Variants in C20orf202 observed in about 807,000 individuals in gnomAD.
The protein encoded by C20orf202 is uncharacterized protein C20orf202.
Under a neutral mutation model 5.3 loss-of-function variants are expected in C20orf202, and 5 were observed. The ratio of observed to expected loss-of-function variants is 0.94; its 90% CI spans 0.49 to 1.98. The LOEUF (loss-of-function observed/expected upper bound fraction) is 1.98, where lower values mean the gene tolerates loss of function less well. C20orf202 is among the 30% of genes most tolerant of loss of function. C20orf202 has a pLI of 0.01. For synonymous variants in C20orf202, 48 were observed against 50.0 expected, an observed-to-expected ratio of 0.96 and a Z score of 0.16; for missense variants, 135 against 123.5, an observed-to-expected ratio of 1.09 and a Z score of -0.44.
Position 1,203,549 on chromosome 20 carries a change from C to G in C20orf202, c.-37C>G, listed in dbSNP as rs1028974052. On this transcript the variant is annotated 5_prime_UTR_variant, in exon 1 of 2. Transcript: ENST00000400633. The stretch of plus-strand genomic sequence containing the variant: ...AGTCAAAGATCCCTCGGGCCCAGAA[C>G]CAGGTCAGTGTCAAGGTCACTCCTA... 2 of 1,550,974 alleles carry G rather than the reference C, an allele frequency of 1.3e-6. No individual in the cohort carries two copies. Among genetic ancestry groups the G allele is most frequent in the Admixed American group, 3.9e-5 (2 of 50,842 alleles).
At chr20:1,206,403 A>G (rs576253042) in intron 1 of C20orf202, among the ~76,000 whole-genome samples, 1 of 152,334 alleles carries the variant, frequency 6.6e-6, no homozygotes, top group Admixed American at 6.5e-5. Context: ...TTCAAAGCAA[A>G]TATTTAGTGG....
In C20orf202 at chr20:1,208,719, C is replaced by T. The variant is rs1235698574; in HGVS notation, c.*1617C>T. 2.6e-5 allele frequency among the ~76,000 whole-genome samples: 4 copies of T among 152,164 alleles called. No homozygotes were observed. Among genetic ancestry groups the T allele is most frequent in the African/African-American group, 4.8e-5 (2 of 41,428 alleles). On this transcript the variant is annotated 3_prime_UTR_variant, in exon 2 of 2. Transcript: ENST00000400633. Reference sequence around the variant, plus strand: ...ACCAGACTTCTCCAGGATCCAGGTTCCAGACTCCTGGGGCCCCTTCCAGGA... The same window carrying T: ...ACCAGACTTCTCCAGGATCCAGGTTTCAGACTCCTGGGGCCCCTTCCAGGA...
In C20orf202 at chr20:1,208,640, T is replaced by C. The variant is rs912354825; in HGVS notation, c.*1538T>C. Among the ~76,000 whole-genome samples, 5 of 152,216 alleles carry C rather than the reference T, an allele frequency of 3.3e-5. No homozygotes were observed. Among genetic ancestry groups the C allele is most frequent in the Admixed American group, 3.3e-4 (5 of 15,284 alleles). ...TTTCCCTGTGGGCTTCCTGTTCCTA[T>C]GAGCATCTCCCAGCAATGTTTCTTC... On this transcript the variant is annotated 3_prime_UTR_variant, in exon 2 of 2. Transcript: ENST00000400633.
At chr20:1,203,732 C>T in intron 1 of C20orf202, 81 bp downstream of exon 1, 2 of 1,462,406 alleles carry the variant, frequency 1.4e-6, no homozygotes, top group East Asian at 2.5e-5. Context: ...CGGGTCCCCC[C>T]TGGGGCAGAG....
At chr20:1,204,826 G>A (rs540160393) in intron 1 of C20orf202, among the ~76,000 whole-genome samples, 16 of 152,310 alleles carry the variant, frequency 1.1e-4, no homozygotes, top group Middle Eastern at 6.8e-3. Flanking sequence ...GCTTCCCACA[G>A]TCAGCAGGCA....
At position 1,206,940 on chromosome 20, in the gene C20orf202, G is replaced by A; in HGVS notation, c.138G>A (p.Leu46=). The change falls in exon 2 of 2, where the codon CTG becomes CTA. Residue 46 remains leucine, a synonymous_variant. Transcript: ENST00000400633. ...LRHLHSVLEE[L]RADSAHWEDA... ...ATCTTCACAGTGTCCTGGAGGAGCT[G>A]CGTGCGGACAGCGCCCACTGGGAGG... is the stretch of plus-strand genomic sequence containing the variant. The A allele has an allele frequency of 6.4e-7, 1 of 1,551,650 alleles. No individual in the cohort carries two copies. The highest frequency in any genetic ancestry group is 8.7e-7 in the Non-Finnish European group (1 of 1,146,900).
At position 1,203,466 on chromosome 20, in the gene C20orf202, A is replaced by G. The variant is rs186948017; in HGVS notation, c.-120A>G. 225 of 1,488,504 alleles carry G rather than the reference A, an allele frequency of 1.5e-4. No individual in the cohort carries two copies. The highest frequency in any genetic ancestry group is 9.3e-4 in the Admixed American group (36 of 38,854). 92.2% of individuals were successfully genotyped at this position (1,488,504 alleles called of 1,614,324 possible). ...GCTACTTCCTGCTCTCATTAACTCC[A>G]TCTTCAGTGATTTGGCCAGAACCTG... On this transcript the variant is annotated 5_prime_UTR_variant, in exon 1 of 2. Coordinates refer to ENST00000400633, the MANE Select transcript of C20orf202 (RefSeq NM_001394958.1).
intron 1 of C20orf202, 31 bp downstream of exon 1, chr20:1,203,682 C>G (rs532706268): frequency 6.6e-7 from 1 of 1,523,498 alleles, no homozygotes; most frequent in African/African-American, 1.4e-5. Flanking sequence ...TCCTTGATGC[C>G]CCGACTACAT....
rs2087138690 is a variant in C20orf202 at position 1,207,712 on chromosome 20, T to C, written c.*610T>C. 1.3e-5 allele frequency: 2 copies of C among 152,204 alleles called. No individual in the cohort carries two copies. Among genetic ancestry groups the C allele is most frequent in the South Asian group, 2.1e-4 (1 of 4,830 alleles). 9.4% of individuals were successfully genotyped at this position (152,204 alleles called of 1,614,324 possible). ...AGCCAGTCACCGACCTTCCCTGAGA[T>C]TGCTACCTGGAAGCTCTTTCTATTA... On this transcript the variant is annotated 3_prime_UTR_variant, in exon 2 of 2. Transcript: ENST00000400633.
rs908186101 is a variant in C20orf202, at chr20:1,206,054, AAAATAAATAAAT to A, written c.67-803_67-792del. On this transcript the variant is annotated intron_variant, in intron 1 of 1. Coordinates refer to ENST00000400633, the MANE Select transcript of C20orf202 (RefSeq NM_001394958.1). ...GGCAACACAGTGAGACCCCGCCTCA[AAAATAAATAAAT>A]AAATAAATAAACAGAAAGAAAAAGA... Among the ~76,000 whole-genome samples the A allele has an allele frequency of 2.6e-5, 4 of 152,232 alleles. No individual in the cohort carries two copies. The East Asian group carries it at 7.7e-4, about 29-fold the overall frequency.
At chr20:1,206,818 G>C in intron 1 of C20orf202, 51 bp from the exon 2 acceptor site, 2 of 1,282,192 alleles carry the variant, frequency 1.6e-6, no homozygotes, top group South Asian at 3.2e-5. Context: ...GCTTGATGGG[G>C]AAACATCCAG....
chr20:1,205,594 C>G (rs968680147), intron 1 of C20orf202, among the ~76,000 whole-genome samples: 21 of 152,130 alleles, frequency 1.4e-4, no homozygotes, highest in African/African-American at 5.1e-4. Flanking sequence ...GGCTGAGAAT[C>G]TGTATATCTA....
At chr20:1,203,732 C>G (rs1442037611) in intron 1 of C20orf202, 81 bp downstream of exon 1, 17 of 1,462,406 alleles carry the variant, frequency 1.2e-5, no homozygotes, top group Non-Finnish European at 7.3e-6. Context: ...CGGGTCCCCC[C>G]TGGGGCAGAG....
rs945774761 is a variant in C20orf202, at chr20:1,208,523, C to T, written c.*1421C>T. Among the ~76,000 whole-genome samples, 1 of 152,106 alleles carries T rather than the reference C, an allele frequency of 6.6e-6. No individual in the cohort carries two copies. Among genetic ancestry groups the T allele is most frequent in the African/African-American group, 2.4e-5 (1 of 41,426 alleles). On this transcript the variant is annotated 3_prime_UTR_variant, in exon 2 of 2. Coordinates refer to ENST00000400633, the MANE Select transcript of C20orf202 (RefSeq NM_001394958.1). ...GCACCTTTTGGTGTTACCAGCTGCT[C>T]CCTGTTAGAGTTTGTTAGGCTTTGC...
intron 1 of C20orf202, among the ~76,000 whole-genome samples, 198 bp downstream of exon 1, chr20:1,203,849 AG>A (rs1361215593): frequency 1.3e-5 from 2 of 152,000 alleles, no homozygotes; most frequent in Non-Finnish European, 2.9e-5. Flanking sequence ...CCTATATGGG[AG>A]GTGCTGGGTG....
chr20:1,204,913 T>C (rs1464694566), intron 1 of C20orf202, among the ~76,000 whole-genome samples: 1 of 152,170 alleles, frequency 6.6e-6, no homozygotes, highest in Non-Finnish European at 1.5e-5. Flanking sequence ...ACCTCCGTGC[T>C]GGGAACCCCA....
chr20:1,203,495 C>A lies in C20orf202; in HGVS notation c.-91C>A. 1 of 1,527,310 alleles carries A rather than the reference C, an allele frequency of 6.5e-7. No individual in the cohort carries two copies. Among genetic ancestry groups the A allele is most frequent in the Non-Finnish European group, 8.8e-7 (1 of 1,134,854 alleles). The allele number at this position is 1,527,310 out of a possible 1,614,324, so 94.6% of individuals were successfully genotyped here. On this transcript the variant is annotated 5_prime_UTR_variant, in exon 1 of 2. Coordinates refer to ENST00000400633, the MANE Select transcript of C20orf202 (RefSeq NM_001394958.1). The stretch of plus-strand genomic sequence containing the variant: ...TCAGTGATTTGGCCAGAACCTGCTG[C>A]CAGTCTGAAAGAGTTGGGGGAATGT...
intron 1 of C20orf202, among the ~76,000 whole-genome samples, chr20:1,204,321 G>C (rs903724044): frequency 1.3e-5 from 2 of 152,128 alleles, no homozygotes; most frequent in Admixed American, 6.5e-5. Flanking sequence ...AGGCCCAGTG[G>C]GTGTCTCAGC....
chr20:1,203,798 G>A, intron 1 of C20orf202, 147 bp downstream of exon 1: 1 of 892,948 alleles, frequency 1.1e-6, no homozygotes, highest in South Asian at 1.9e-5. Flanking sequence ...ACCACACAAT[G>A]CACAATTGTG....
Sources: gnomAD v4.1 joint callset for allele counts (sites outside exome capture counted in the v4.1 genomes callset) on GRCh38, gnomAD v4.1.1 for gene constraint, MANE v1.5 for transcripts, NCBI Gene and HGNC (gene_info 2026-07-23, HGNC 2026-07-21) for gene names.